Variants in STK39 observed in about 807,000 individuals in gnomAD.
STK39 encodes serine/threonine kinase 39.
Under a neutral mutation model 77.8 loss-of-function variants are expected in STK39, and 20 were observed. That is an observed-to-expected ratio of 0.26 (90% CI 0.18 to 0.37). STK39 has a LOEUF of 0.37. Ranked by LOEUF, STK39 falls within the 10% of genes least tolerant of loss-of-function variation. STK39 has a pLI of 1.00. For missense variants in STK39, 479 were observed against 656.5 expected (o/e 0.73, Z 2.95); for synonymous variants, 246 against 234.1 (o/e 1.05, Z -0.47).
intron 16 of STK39, among the ~76,000 whole-genome samples, chr2:167,996,136 CA>C (rs1291485902): frequency 4.6e-5 from 7 of 151,972 alleles, no homozygotes; most frequent in Non-Finnish European, 1.0e-4. Flanking sequence ...GCAGTTTAAG[CA>C]GGGAAAAATA....
chr2:168,124,815 G>A (rs1266172843), intron 10 of STK39, among the ~76,000 whole-genome samples: 9 of 152,170 alleles, frequency 5.9e-5, no homozygotes, highest in African/African-American at 1.9e-4. Context: ...AGGGTTAAAT[G>A]TTCCTGTAGA....
At chr2:168,151,140 GTC>G (rs377271841) in intron 5 of STK39, among the ~76,000 whole-genome samples, 63,212 of 151,672 alleles carry the variant, frequency 0.42, 14,771 homozygotes, top group East Asian at 0.67. Flanking sequence ...AAATGCTCTA[GTC>G]ACTTATCAAA....
chr2:168,092,465 G>A (rs1574458656), intron 10 of STK39, among the ~76,000 whole-genome samples: 1 of 152,196 alleles, frequency 6.6e-6, no homozygotes, highest in African/African-American at 2.4e-5. Context: ...CAAAGACTAT[G>A]TATTCTAATT....
intron 14 of STK39, among the ~76,000 whole-genome samples, chr2:168,038,611 A>T (rs960223921): frequency 6.6e-6 from 1 of 152,130 alleles, no homozygotes; most frequent in South Asian, 2.1e-4. Context: ...TCTTTAAAAG[A>T]TACCATTAAG....
intron 14 of STK39, among the ~76,000 whole-genome samples, chr2:168,024,953 C>A (rs547293030): frequency 1.3e-5 from 2 of 152,176 alleles, no homozygotes; most frequent in African/African-American, 4.8e-5. Context: ...ATCCCTTACC[C>A]GCCTACTGGG....
At chr2:168,243,446 C>T (rs554996706) in intron 1 of STK39, among the ~76,000 whole-genome samples, 9 of 152,150 alleles carry the variant, frequency 5.9e-5, no homozygotes, top group Non-Finnish European at 1.3e-4. Flanking sequence ...AACTCAAATT[C>T]TTCGTGTTGA....
At chr2:168,193,708 G>T (rs1689397828) in intron 1 of STK39, among the ~76,000 whole-genome samples, 1 of 152,218 alleles carries the variant, frequency 6.6e-6, no homozygotes, top group African/African-American at 2.4e-5. Flanking sequence ...GGACTGTGTT[G>T]TATTGAAAGA....
chr2:167,999,571 C>T (rs1298005562), intron 16 of STK39, among the ~76,000 whole-genome samples: 1 of 152,082 alleles, frequency 6.6e-6, no homozygotes. Flanking sequence ...ACGCCATTCT[C>T]CTGACTCAGC....
intron 16 of STK39, among the ~76,000 whole-genome samples, chr2:167,969,545 G>A (rs6711185): frequency 0.13 from 19,325 of 152,164 alleles, 1,515 homozygotes; most frequent in South Asian, 0.22. Flanking sequence ...ATCGTGTACT[G>A]AAATAATCTG....
intron 5 of STK39, among the ~76,000 whole-genome samples, chr2:168,150,984 T>G (rs1688265012): frequency 6.6e-6 from 1 of 152,082 alleles, no homozygotes; most frequent in Non-Finnish European, 1.5e-5. Context: ...TATTTATTCC[T>G]TCTTGAAAGC....
intron 10 of STK39, among the ~76,000 whole-genome samples, chr2:168,081,407 G>C (rs1002294304): frequency 2.6e-5 from 4 of 152,278 alleles, no homozygotes; most frequent in East Asian, 1.9e-4. Context: ...GAGGCCTGTA[G>C]CCCCTTTGGT....
intron 14 of STK39, among the ~76,000 whole-genome samples, chr2:168,026,799 G>A (rs1684709651): frequency 6.6e-6 from 1 of 152,180 alleles, no homozygotes; most frequent in South Asian, 2.1e-4. Context: ...CAGCTCTGTA[G>A]TCAATATGAC....
chr2:167,962,433 C>T (rs771110123), intron 17 of STK39, among the ~76,000 whole-genome samples: 2 of 152,132 alleles, frequency 1.3e-5, no homozygotes, highest in Non-Finnish European at 2.9e-5. Context: ...CCTCCTGGGG[C>T]CTAACAAGGG....
intron 15 of STK39, among the ~76,000 whole-genome samples, chr2:168,015,980 C>T (rs889813307): frequency 6.6e-6 from 1 of 152,098 alleles, no homozygotes; most frequent in African/African-American, 2.4e-5. Context: ...CAGGCTGGAT[C>T]GCAGTGGCAC....
chr2:168,160,859 A>T (rs16854951), intron 5 of STK39, among the ~76,000 whole-genome samples: 25,516 of 151,448 alleles, frequency 0.17, 2,209 homozygotes, highest in East Asian at 0.25. Context: ...TGAGGACAAG[A>T]TATGCACACA....
chr2:168,022,702 A>G (rs184484176), intron 14 of STK39, among the ~76,000 whole-genome samples: 4 of 152,360 alleles, frequency 2.6e-5, no homozygotes, highest in East Asian at 1.9e-4. Flanking sequence ...TTCTGCTGAT[A>G]GTAATAAACC....
intron 16 of STK39, among the ~76,000 whole-genome samples, chr2:167,980,140 T>G (rs534005072): frequency 3.2e-4 from 48 of 152,338 alleles, no homozygotes; most frequent in African/African-American, 1.1e-3. Flanking sequence ...TTCTGCAATA[T>G]AGTCTATGTA....
intron 10 of STK39, among the ~76,000 whole-genome samples, chr2:168,110,620 T>C (rs1201081184): frequency 6.6e-6 from 1 of 152,164 alleles, no homozygotes; most frequent in African/African-American, 2.4e-5. Flanking sequence ...TCCACACAGA[T>C]CTATAATACA....
chr2:168,102,668 G>T (rs1373571346), intron 10 of STK39, among the ~76,000 whole-genome samples: 2 of 152,054 alleles, frequency 1.3e-5, no homozygotes, highest in Non-Finnish European at 2.9e-5. Context: ...GGTGGCTCAC[G>T]CCTGTAATCC....
Sources: allele counts gnomAD v4.1 joint callset (sites outside exome capture counted in the v4.1 genomes callset), GRCh38; gene constraint gnomAD v4.1.1; transcripts MANE v1.5; gene names NCBI Gene and HGNC (gene_info 2026-07-23, HGNC 2026-07-21).